RPTOR: variants seen among roughly 807,000 people sequenced by gnomAD.
RPTOR encodes regulatory-associated protein of mTOR.
In RPTOR, 21 loss-of-function variants were observed where a neutral mutation model predicts 169.9. The observed-to-expected ratio is 0.12, with a 90% confidence interval of 0.09 to 0.18. The LOEUF (loss-of-function observed/expected upper bound fraction) is 0.18, where lower values mean the gene tolerates loss of function less well. RPTOR is among the 10% of genes least tolerant of loss of function. The pLI, the probability that RPTOR is intolerant of heterozygous loss-of-function variation, is 1.00. For synonymous variants in RPTOR, 732 were observed against 753.2 expected, an observed-to-expected ratio of 0.97 and a Z score of 0.46; for missense variants, 1,133 against 1,855.9, an observed-to-expected ratio of 0.61 and a Z score of 7.16.
chr17:80,835,001 TAACA>T (rs1457281316), intron 9 of RPTOR, among the ~76,000 whole-genome samples: 1 of 152,234 alleles, frequency 6.6e-6, no homozygotes, highest in Non-Finnish European at 1.5e-5. Flanking sequence ...GCTTCTGTCT[TAACA>T]AAGAGTAAAA....
At position 80,642,468 on chromosome 17, in the gene RPTOR, G is replaced by T. The variant is rs79413394; in HGVS notation, c.266-1260G>T. On this transcript the variant is annotated intron_variant, in intron 2 of 33. Coordinates refer to ENST00000306801, the MANE Select transcript of RPTOR (RefSeq NM_020761.3). ...CTTAAGACATTTCTGATGAGCTCAT[G>T]GTAATGTTAATGAGTGTGGATTCTT... is the stretch of plus-strand genomic sequence containing the variant. Among the ~76,000 whole-genome samples, 1,175 of 152,214 alleles carry T rather than the reference G, an allele frequency of 7.7e-3. 27 individuals are homozygous for T. The highest frequency in any genetic ancestry group is 0.027 in the African/African-American group (1,124 of 41,532).
At chr17:80,822,322 T>C (rs2067388114) in intron 8 of RPTOR, 21 bp downstream of exon 8, 1 of 1,610,328 alleles carries the variant, frequency 6.2e-7, no homozygotes, top group African/African-American at 1.3e-5. Flanking sequence ...GGCCGGGCCT[T>C]GGGGAGGGAG....
At chr17:80,830,823 T>C (rs561628180) in intron 9 of RPTOR, among the ~76,000 whole-genome samples, 1 of 151,610 alleles carries the variant, frequency 6.6e-6, no homozygotes, top group South Asian at 2.1e-4. Flanking sequence ...TGATCTTGGC[T>C]CACTGCAGCC....
chr17:80,651,277 G>T lies in RPTOR; in HGVS notation c.348+7467G>T, dbSNP rs970723163. Among the ~76,000 whole-genome samples, 2 of 152,166 alleles carry T rather than the reference G, an allele frequency of 1.3e-5. No homozygotes were observed. Among genetic ancestry groups the T allele is most frequent in the Non-Finnish European group, 2.9e-5 (2 of 68,026 alleles). On this transcript the variant is annotated intron_variant, in intron 3 of 33. Coordinates refer to ENST00000306801, the MANE Select transcript of RPTOR (RefSeq NM_020761.3). The surrounding 1 kb of genome is among the most constrained non-coding windows in gnomAD (Gnocchi z 4.1). Reference sequence around the variant, plus strand: ...TGGAGGTGACGATGAGGAACCCACCGTATGCTCGCCATATGCAACTAGGAA... The same window carrying T: ...TGGAGGTGACGATGAGGAACCCACCTTATGCTCGCCATATGCAACTAGGAA...
intron 3 of RPTOR, among the ~76,000 whole-genome samples, chr17:80,688,203 G>A (rs1272883203): frequency 6.6e-6 from 1 of 152,148 alleles, no homozygotes; most frequent in Non-Finnish European, 1.5e-5. Flanking sequence ...GACTTTTGAT[G>A]TATTAGCTCA....
At chr17:80,884,721 G>A (rs2068224698) in intron 16 of RPTOR, among the ~76,000 whole-genome samples, 1 of 152,080 alleles carries the variant, frequency 6.6e-6, no homozygotes, top group Non-Finnish European at 1.5e-5. Context: ...CTCCTGCCTC[G>A]TTCATCAGCA....
chr17:80,851,381 A>G (rs2067791838), intron 11 of RPTOR, among the ~76,000 whole-genome samples: 2 of 152,236 alleles, frequency 1.3e-5, no homozygotes, highest in Non-Finnish European at 2.9e-5. Context: ...TACAGAAACA[A>G]CATTGGCTTT....
At chr17:80,566,075 AC>A (rs1476762827) in intron 1 of RPTOR, among the ~76,000 whole-genome samples, 1 of 152,228 alleles carries the variant, frequency 6.6e-6, no homozygotes, top group Non-Finnish European at 1.5e-5. Context: ...TTGGAGTCCC[AC>A]TGACCTTTCT....
intron 10 of RPTOR, among the ~76,000 whole-genome samples, chr17:80,839,274 GCTTT>G (rs532060893): frequency 6.4e-4 from 98 of 152,282 alleles, no homozygotes; most frequent in African/African-American, 2.2e-3. Flanking sequence ...TTTTAAGAGG[GCTTT>G]CTTTTTTATA....
chr17:80,661,314 G>T (rs1021641891), intron 3 of RPTOR, among the ~76,000 whole-genome samples: 2 of 152,124 alleles, frequency 1.3e-5, no homozygotes, highest in African/African-American at 4.8e-5. Flanking sequence ...GGGTGGCTGT[G>T]AGGAGCAGAT....
At chr17:80,898,237 T>A (rs1042693420) in intron 20 of RPTOR, among the ~76,000 whole-genome samples, 4 of 152,262 alleles carry the variant, frequency 2.6e-5, no homozygotes, top group African/African-American at 9.6e-5. Context: ...CTTGAGGCTG[T>A]CTGCAGTATT....
At chr17:80,606,224 G>A (rs2065227900) in intron 1 of RPTOR, among the ~76,000 whole-genome samples, 1 of 151,500 alleles carries the variant, frequency 6.6e-6, no homozygotes, top group Non-Finnish European at 1.5e-5. Context: ...GTTAGCCAGG[G>A]TGGTCTCGAT....
chr17:80,798,243 C>T (rs958433733), intron 7 of RPTOR, among the ~76,000 whole-genome samples: 16 of 152,150 alleles, frequency 1.1e-4, no homozygotes, highest in African/African-American at 3.1e-4. Flanking sequence ...CCTTACAGGG[C>T]TGGAAGCGTA....
chr17:80,871,572 G>A (rs981099336), intron 13 of RPTOR, among the ~76,000 whole-genome samples: 16 of 152,216 alleles, frequency 1.1e-4, no homozygotes, highest in Non-Finnish European at 1.5e-4. Context: ...GCCCCTTCCG[G>A]AATGGGCTGC....
chr17:80,796,715 G>A (rs550857798), intron 7 of RPTOR, among the ~76,000 whole-genome samples: 4 of 152,280 alleles, frequency 2.6e-5, no homozygotes, highest in South Asian at 4.1e-4. Context: ...GTGTGGATTT[G>A]GGTCTGAGTC....
Position 80,964,619 on chromosome 17 carries a change from T to C in RPTOR, c.*289T>C. On this transcript the variant is annotated 3_prime_UTR_variant, in exon 34 of 34. Coordinates refer to ENST00000306801, the MANE Select transcript of RPTOR (RefSeq NM_020761.3). ...GCGCCTCTGTCCCTCTCCTGTTCTG[T>C]GTTTCTCTGAGACGCTGAAAGGGGA... 2.1e-6 allele frequency: 1 copy of C among 480,556 alleles called. No homozygotes were observed. The highest frequency in any genetic ancestry group is 2.9e-5 in the South Asian group (1 of 34,526). 29.8% of individuals were successfully genotyped at this position (480,556 alleles called of 1,614,324 possible).
chr17:80,917,729 G>A (rs1363090888), intron 21 of RPTOR, among the ~76,000 whole-genome samples: 1 of 152,136 alleles, frequency 6.6e-6, no homozygotes, highest in African/African-American at 2.4e-5. Context: ...AACTGAGACA[G>A]ACAGTTCTCT....
chr17:80,651,362 A>G lies in RPTOR; in HGVS notation c.348+7552A>G, dbSNP rs559077287. On this transcript the variant is annotated intron_variant, in intron 3 of 33. Coordinates refer to ENST00000306801, the MANE Select transcript of RPTOR (RefSeq NM_020761.3). This position sits in a 1 kb window ranked among gnomAD's most constrained non-coding sequence, Gnocchi z 4.1. ...GTGCTGATCAAGGGGGAAACGATCA[A>G]TAACAGATTGGAGGGGGACGGCCAC... Among the ~76,000 whole-genome samples, 45 of 152,304 alleles carry G rather than the reference A, an allele frequency of 3.0e-4. No homozygotes were observed. Among genetic ancestry groups the G allele is most frequent in the African/African-American group, 9.9e-4 (41 of 41,578 alleles).
At chr17:80,819,507 C>T (rs943847089) in intron 7 of RPTOR, among the ~76,000 whole-genome samples, 18 of 152,318 alleles carry the variant, frequency 1.2e-4, no homozygotes, top group Middle Eastern at 3.4e-3. Context: ...GGTTTCGGAG[C>T]GAATTTTGGG....
Sources: gnomAD v4.1 joint callset for allele counts (sites outside exome capture counted in the v4.1 genomes callset) on GRCh38, gnomAD v4.1.1 for gene constraint, Gnocchi (gnomAD v3.1) non-coding constraint, MANE v1.5 for transcripts, NCBI Gene and HGNC (gene_info 2026-07-23, HGNC 2026-07-21) for gene names.